EGFR: variants seen among roughly 807,000 people sequenced by gnomAD.
The protein encoded by EGFR is avian erythroblastic leukemia viral (v-erb-b) oncogene homolog.
Under a neutral mutation model 143.0 loss-of-function variants are expected in EGFR, and 58 were observed. That is an observed-to-expected ratio of 0.41 (90% CI 0.33 to 0.50). The LOEUF is 0.50. Among genes scored for constraint, EGFR ranks in the 20% least tolerant of loss-of-function variants. EGFR has a pLI of 0.39. For missense variants in EGFR, 1,307 were observed against 1,579.0 expected, an observed-to-expected ratio of 0.83 and a Z score of 2.92; for synonymous variants, 613 against 594.4, an observed-to-expected ratio of 1.03 and a Z score of -0.45.
At chr7:55,139,720 AATTAATGAGCAACATTCTGCATAAGGTC>A (rs1794351322) in intron 1 of EGFR, among the ~76,000 whole-genome samples, 1 of 152,186 alleles carries the variant, frequency 6.6e-6, no homozygotes, top group Admixed American at 6.5e-5. Flanking sequence ...TTATTAACAA[AATTAATGAGCAACATTCTGCATAAGGTC>A]TGTTTCCTCA....
chr7:55,067,108 G>A (rs1404809337), intron 1 of EGFR, among the ~76,000 whole-genome samples: 11 of 152,208 alleles, frequency 7.2e-5, no homozygotes, highest in Admixed American at 2.0e-4. Context: ...TGCTGTCAGG[G>A]TGAGGGAGGT....
chr7:55,200,260 C>A (rs2128969676), intron 23 of EGFR, 56 bp from the exon 24 acceptor site: 2 of 1,515,488 alleles, frequency 1.3e-6, no homozygotes, highest in Non-Finnish European at 1.8e-6. Context: ...GCAATGCCAT[C>A]TTTATCATTT....
chr7:55,038,925 G>A (rs1462233048), intron 1 of EGFR, among the ~76,000 whole-genome samples: 1 of 151,814 alleles, frequency 6.6e-6, no homozygotes. Context: ...TCCCTTGCCT[G>A]AAAATGGTTG....
At position 55,155,904 on chromosome 7, in the gene EGFR, G is replaced by A. The variant is rs776791214; in HGVS notation, c.964G>A (p.Gly322Ser). ...CGACAGCTATGAGATGGAGGAAGAC[G>A]GCGTCCGCAAGTGTAAGAAGTGCGA... is the stretch of plus-strand genomic sequence containing the variant. ...GADSYEMEED[G>S]VRKCKKCEGP... The change falls in exon 8 of 28, where the codon GGC (glycine) becomes AGC (serine). Residue 322 changes from glycine to serine, a missense_variant. Coordinates refer to ENST00000275493, the MANE Select transcript of EGFR (RefSeq NM_005228.5). 6 of 1,614,082 alleles carry A rather than the reference G, an allele frequency of 3.7e-6. No homozygotes were observed. Among genetic ancestry groups the A allele is most frequent in the South Asian group, 3.3e-5 (3 of 91,084 alleles).
At chr7:55,028,598 A>G (rs1787069943) in intron 1 of EGFR, among the ~76,000 whole-genome samples, 1 of 152,178 alleles carries the variant, frequency 6.6e-6, no homozygotes, top group African/African-American at 2.4e-5. Context: ...CACTTACAAA[A>G]TTATCTCCTA....
intron 1 of EGFR, among the ~76,000 whole-genome samples, chr7:55,104,421 G>A (rs1184927868): frequency 1.3e-5 from 2 of 152,172 alleles, no homozygotes; most frequent in African/African-American, 2.4e-5. Flanking sequence ...GAGACAGGCC[G>A]GGTTTCAGTC....
At chr7:55,192,253 A>T (rs910629551) in intron 21 of EGFR, among the ~76,000 whole-genome samples, 9 of 152,142 alleles carry the variant, frequency 5.9e-5, no homozygotes, top group African/African-American at 1.9e-4. Context: ...CCCCATGCGG[A>T]CCCGAGCTCC....
At chr7:55,109,860 AC>A in intron 1 of EGFR, 1 of 985,532 alleles carries the variant, frequency 1.0e-6, no homozygotes, top group Non-Finnish European at 1.2e-6. Context: ...GGACTTCAGA[AC>A]AAGAGGGAGC....
chr7:55,182,715 C>T (rs1276004993), intron 20 of EGFR, among the ~76,000 whole-genome samples: 2 of 152,178 alleles, frequency 1.3e-5, no homozygotes, highest in Non-Finnish European at 2.9e-5. Context: ...GCTGCAGCCA[C>T]AGGCGGCCCC....
At chr7:55,037,416 G>A (rs1446360753) in intron 1 of EGFR, among the ~76,000 whole-genome samples, 1 of 152,220 alleles carries the variant, frequency 6.6e-6, no homozygotes, top group Non-Finnish European at 1.5e-5. Flanking sequence ...GAGCTGGAAA[G>A]GTGGTCACGA....
chr7:55,149,272 T>C (rs182750054), intron 4 of EGFR, among the ~76,000 whole-genome samples: 1 of 152,172 alleles, frequency 6.6e-6, no homozygotes, highest in Admixed American at 6.5e-5. Flanking sequence ...GAAGTCATCT[T>C]TAAAAGACTA....
intron 1 of EGFR, among the ~76,000 whole-genome samples, chr7:55,095,998 GACAC>G (rs904523870): frequency 6.6e-6 from 1 of 152,060 alleles, no homozygotes; most frequent in Non-Finnish European, 1.5e-5. Context: ...GAGACACACA[GACAC>G]ACACAGGCAC....
chr7:55,069,794 C>T (rs1789715623), intron 1 of EGFR, among the ~76,000 whole-genome samples: 1 of 152,176 alleles, frequency 6.6e-6, no homozygotes, highest in South Asian at 2.1e-4. Context: ...AAGACAGAAT[C>T]CTTACAAGGA....
Position 55,040,847 on chromosome 7 carries a change from A to G in EGFR, c.88+21482A>G, listed in dbSNP as rs76675288. 6.8e-3 allele frequency among the ~76,000 whole-genome samples: 1,037 copies of G among 152,338 alleles called. 10 individuals carry two copies. The highest frequency in any genetic ancestry group is 0.023 in the African/African-American group (973 of 41,556). On this transcript the variant is annotated intron_variant, in intron 1 of 27. Coordinates refer to ENST00000275493, the MANE Select transcript of EGFR (RefSeq NM_005228.5). Reference sequence around the variant, plus strand: ...TGAAACATTTAGAATTCCACTCTACATTTCAATAATTATCAGGTGAAAGCT... The same window carrying G: ...TGAAACATTTAGAATTCCACTCTACGTTTCAATAATTATCAGGTGAAAGCT...
At chr7:55,054,514 G>A (rs1025589506) in intron 1 of EGFR, among the ~76,000 whole-genome samples, 7 of 152,220 alleles carry the variant, frequency 4.6e-5, no homozygotes, top group Admixed American at 6.5e-5. Context: ...TGGCGCGCCC[G>A]CGGGGCCTGG....
intron 24 of EGFR, chr7:55,200,697 G>A (rs1787809085): frequency 1.9e-6 from 1 of 537,716 alleles, no homozygotes; most frequent in South Asian, 2.0e-5. Context: ...GGGTCTAAGA[G>A]AGAAGCATGG....
chr7:55,030,246 C>A (rs1787173855), intron 1 of EGFR, among the ~76,000 whole-genome samples: 1 of 152,302 alleles, frequency 6.6e-6, no homozygotes, highest in South Asian at 2.1e-4. Context: ...ACTTTTAGTT[C>A]TATTTGTGAA....
At chr7:55,100,950 G>T (rs539834816) in intron 1 of EGFR, among the ~76,000 whole-genome samples, 1 of 152,360 alleles carries the variant, frequency 6.6e-6, no homozygotes, top group East Asian at 1.9e-4. Context: ...GTGAATACCA[G>T]TGTCGGCGTC....
rs1786319398 is a variant in EGFR, at chr7:55,170,946, C to A, written c.1881-229C>A. ...CTGGCTGCTTTGTTCAATGCTAGAA[C>A]AACGCCTGTCACAGAGTAGAAACTC... On this transcript the variant is annotated intron_variant, in intron 15 of 27. Transcript: ENST00000275493. 2.8e-6 allele frequency: 4 copies of A among 1,434,322 alleles called. No individual in the cohort carries two copies. The Admixed American group carries it at 1.1e-4, about 39-fold the overall frequency. The allele number at this position is 1,434,322 out of a possible 1,614,324, so 88.8% of individuals were successfully genotyped here.
Sources: allele counts gnomAD v4.1 joint callset (sites outside exome capture counted in the v4.1 genomes callset), GRCh38; gene constraint gnomAD v4.1.1; transcripts MANE v1.5; gene names NCBI Gene and HGNC (gene_info 2026-07-23, HGNC 2026-07-21).